Variants in CDC20B observed in about 807,000 individuals in gnomAD.
CDC20B encodes the protein cell division cycle protein 20 homolog B.
In CDC20B, 58 loss-of-function variants were observed where a neutral mutation model predicts 64.1. The observed-to-expected ratio is 0.90, with a 90% CI of 0.73 to 1.13. The LOEUF is 1.13. Ranked by LOEUF, CDC20B falls within the 50% of genes most tolerant of loss-of-function variation. The pLI, the probability that CDC20B is intolerant of heterozygous loss-of-function variation, is 0.00. For missense variants in CDC20B, 597 were observed against 633.0 expected (o/e 0.94, Z 0.61); for synonymous variants, 243 against 230.6 (o/e 1.05, Z -0.49).
chr5:55,141,436 A>G (rs1743326183), intron 4 of CDC20B, among the ~76,000 whole-genome samples: 1 of 152,188 alleles, frequency 6.6e-6, no homozygotes, highest in South Asian at 2.1e-4. Flanking sequence ...TACGGACAAT[A>G]GTGGCTTAGA....
At chr5:55,153,144 T>G (rs1305149287) in intron 2 of CDC20B, among the ~76,000 whole-genome samples, 1 of 141,006 alleles carries the variant, frequency 7.1e-6, no homozygotes, top group Non-Finnish European at 1.5e-5. Flanking sequence ...GAGACTGAGG[T>G]GGGAGGATGG....
chr5:55,120,471 T>A lies in CDC20B; in HGVS notation c.1295A>T (p.Asp432Val). 1 of 1,613,884 alleles carries A rather than the reference T, an allele frequency of 6.2e-7. No individual in the cohort carries two copies. The highest frequency in any genetic ancestry group is 8.5e-7 in the Non-Finnish European group (1 of 1,179,840). The change falls in exon 10 of 12, where the codon GAT becomes GTT. Residue 432 changes from aspartate (D) to valine (V), a missense_variant. By Grantham distance (152) the Asp-to-Val change is radical. This residue lies in a region of CDC20B where 353 missense variants were observed against 397.0 expected (regional missense o/e 0.89). Coordinates refer to ENST00000381375, the MANE Select transcript of CDC20B (RefSeq NM_001170402.1). ...GMKDGRLHIL[D>V]INAGKSIQTP... Reference sequence around the variant, plus strand: ...CTGGATGCTCTTCCCAGCATTTATATCCAAGATGTGTAAGCGTCCATCCTT... The same window carrying A: ...CTGGATGCTCTTCCCAGCATTTATAACCAAGATGTGTAAGCGTCCATCCTT...
chr5:55,159,570 A>C (rs1733525847), intron 2 of CDC20B, among the ~76,000 whole-genome samples: 1 of 152,196 alleles, frequency 6.6e-6, no homozygotes, highest in Admixed American at 6.5e-5. Flanking sequence ...TTCTTTTAAC[A>C]CCTTCACTGT....
At chr5:55,166,840 C>A (rs894693801) in intron 2 of CDC20B, 3 of 152,140 alleles carry the variant, frequency 2.0e-5, no homozygotes, top group Non-Finnish European at 4.4e-5. Flanking sequence ...ACCATCCTGG[C>A]CAACATGGTG....
intron 2 of CDC20B, among the ~76,000 whole-genome samples, chr5:55,158,020 A>C (rs553560539): frequency 2.6e-5 from 4 of 152,324 alleles, no homozygotes; most frequent in African/African-American, 9.6e-5. Context: ...GAACACATCC[A>C]CTATGGAAAA....
At chr5:55,126,472 A>AAAAAAAAAAAAAC (rs1742896337) in intron 8 of CDC20B, 2 of 282,834 alleles carry the variant, frequency 7.1e-6, no homozygotes, top group African/African-American at 4.8e-5. Context: ...ATGTCAAAAA[A>AAAAAAAAAAAAAC]AAAAAAAAAA....
At chr5:55,164,767 T>C in intron 2 of CDC20B, 1 of 152,244 alleles carries the variant, frequency 6.6e-6, no homozygotes. Flanking sequence ...CTTATATATG[T>C]ATGCTTGTTT....
At chr5:55,153,902 C>T (rs961524688) in intron 2 of CDC20B, among the ~76,000 whole-genome samples, 2 of 151,882 alleles carry the variant, frequency 1.3e-5, no homozygotes, top group Non-Finnish European at 2.9e-5. Flanking sequence ...TTAGGCAGAC[C>T]CCACTACAAT....
At chr5:55,120,628 G>A in intron 9 of CDC20B, 78 bp from the exon 10 acceptor site, 1 of 1,563,066 alleles carries the variant, frequency 6.4e-7, no homozygotes, top group Non-Finnish European at 8.7e-7. Context: ...ACTTAGGTAA[G>A]CAGCAAGTCC....
Position 55,114,823 on chromosome 5 carries a change from GC to G in CDC20B, c.1460-506del, listed in dbSNP as rs1332331029. ...AAGGATACTTGCCATTGGATTTAGG[GC>G]CACCTGGATAATCCAGGATGATTTT... On this transcript the variant is annotated intron_variant, in intron 11 of 11. Transcript: ENST00000381375. This position sits in a 1 kb window ranked among gnomAD's most constrained non-coding sequence, Gnocchi z 4.1. 6.6e-6 allele frequency among the ~76,000 whole-genome samples: 1 copy of G among 152,118 alleles called. No individual in the cohort carries two copies. Among genetic ancestry groups the G allele is most frequent in the Non-Finnish European group, 1.5e-5 (1 of 68,008 alleles).
intron 2 of CDC20B, among the ~76,000 whole-genome samples, chr5:55,168,707 T>C (rs1172537406): frequency 6.6e-6 from 1 of 152,170 alleles, no homozygotes; most frequent in African/African-American, 2.4e-5. Flanking sequence ...AAATTTAAGT[T>C]GGCATTTTCA....
rs561393836 is a variant in CDC20B, at chr5:55,172,479, C to T, written c.126+109G>A. ...TAGTATGTAATAAGATACTAAAATT[C>T]TCATATTTTCAGACCAGCTCAAACT... On this transcript the variant is annotated intron_variant, in intron 2 of 11. Coordinates refer to ENST00000381375, the MANE Select transcript of CDC20B (RefSeq NM_001170402.1). 21 of 868,492 alleles carry T rather than the reference C, an allele frequency of 2.4e-5. No homozygotes were observed. The South Asian group carries it at 3.0e-4, about 12-fold the overall frequency. The allele number at this position is 868,492 out of a possible 1,614,324, so 53.8% of individuals were successfully genotyped here.
At chr5:55,137,905 G>A (rs1014194421) in intron 5 of CDC20B, among the ~76,000 whole-genome samples, 3 of 152,134 alleles carry the variant, frequency 2.0e-5, no homozygotes, top group Admixed American at 1.3e-4. Flanking sequence ...ACAGTGAAGA[G>A]AAACAAGCTG....
intron 10 of CDC20B, 46 bp downstream of exon 10, chr5:55,120,379 A>T (rs749768291): frequency 7.5e-6 from 12 of 1,610,444 alleles, no homozygotes; most frequent in Non-Finnish European, 9.3e-6. Context: ...TTTTCACAAG[A>T]TTCCAGAAGA....
At chr5:55,149,995 G>A (rs956458005) in intron 2 of CDC20B, among the ~76,000 whole-genome samples, 29 of 152,022 alleles carry the variant, frequency 1.9e-4, no homozygotes, top group Non-Finnish European at 2.9e-4. Flanking sequence ...TTAGCCAGCC[G>A]TGGTGGCATG....
intron 5 of CDC20B, chr5:55,137,270 C>T (rs764970678): frequency 3.9e-6 from 1 of 259,410 alleles, no homozygotes; most frequent in Admixed American, 4.3e-5. Context: ...ATTATCTCCC[C>T]ACTGCATGGC....
chr5:55,114,617 G>A lies in CDC20B; in HGVS notation c.1460-299C>T, dbSNP rs375941431. On this transcript the variant is annotated intron_variant, in intron 11 of 11. Coordinates refer to ENST00000381375, the MANE Select transcript of CDC20B (RefSeq NM_001170402.1). The surrounding 1 kb of genome is among the most constrained non-coding windows in gnomAD (Gnocchi z 4.1). ...AGAAATTGATTCTCACAGTTCTGGA[G>A]ATGGGAAGTCTGAAATCATGGGGTC... Among the ~76,000 whole-genome samples, 59 of 152,318 alleles carry A rather than the reference G, an allele frequency of 3.9e-4. No homozygotes were observed. The South Asian group carries it at 0.011, about 27-fold the overall frequency.
chr5:55,172,632 G>A lies in CDC20B; in HGVS notation c.82C>T (p.Leu28Phe), dbSNP rs376735655. The change falls in exon 2 of 12, where the codon CTC becomes TTC. Residue 28 changes from leucine to phenylalanine, a missense_variant. Transcript: ENST00000381375. The part of the protein sequence containing the change: ...EMLWESIMRV[L>F]SKDLKQKRSQ... ...CTCTTCTGCTTCAAGTCTTTGGAGA[G>A]CACACGCATGATACTTTCCTTTGAA... The A allele has an allele frequency of 9.3e-6, 15 of 1,612,268 alleles. No individual in the cohort carries two copies. The African/African-American group carries it at 1.7e-4, about 19-fold the overall frequency.
chr5:55,159,924 T>C (rs1743944292), intron 2 of CDC20B, among the ~76,000 whole-genome samples: 1 of 152,224 alleles, frequency 6.6e-6, no homozygotes, highest in Non-Finnish European at 1.5e-5. Context: ...ATTTTCTTTG[T>C]AGGGAGAATG....
Sources: gnomAD v4.1 joint callset for allele counts (sites outside exome capture counted in the v4.1 genomes callset) on GRCh38, gnomAD v4.1.1 for gene constraint, gnomAD v4.1.1 regional missense constraint, Gnocchi (gnomAD v3.1) non-coding constraint, MANE v1.5 for transcripts, NCBI Gene and HGNC (gene_info 2026-07-23, HGNC 2026-07-21) for gene names.